STK32B: variants seen among roughly 807,000 people sequenced by gnomAD.
The protein encoded by STK32B is serine/threonine kinase 32B, also known as serine/threonine-protein kinase 32B.
STK32B carries 43 observed loss-of-function variants against 52.6 expected under a neutral mutation model. The observed-to-expected ratio is 0.82, with a 90% CI of 0.64 to 1.05. The LOEUF (loss-of-function observed/expected upper bound fraction) is 1.05, where lower values mean the gene tolerates loss of function less well. Among genes scored for constraint, STK32B ranks in the 50% least tolerant of loss-of-function variants. The pLI is 0.00. For missense variants in STK32B, 621 were observed against 534.6 expected (o/e 1.16, Z -1.59); for synonymous variants, 238 against 204.3 (o/e 1.17, Z -1.41).
intron 9 of STK32B, among the ~76,000 whole-genome samples, chr4:5,464,488 G>T (rs1488842498): frequency 6.6e-6 from 1 of 152,222 alleles, no homozygotes; most frequent in Non-Finnish European, 1.5e-5. Context: ...GAGGGTGAGG[G>T]CCGCGAAGTG....
intron 4 of STK32B, among the ~76,000 whole-genome samples, chr4:5,384,809 G>A (rs568423756): frequency 7.2e-5 from 11 of 152,310 alleles, no homozygotes; most frequent in African/African-American, 2.6e-4. Flanking sequence ...ACAGAAGGAA[G>A]GGGCTGTGAC....
the STK32B span, among the ~76,000 whole-genome samples, chr4:5,034,798 G>C: frequency 2.6e-5 from 4 of 152,142 alleles, no homozygotes; most frequent in African/African-American, 9.7e-5. Flanking sequence ...TCTTCTCCAG[G>C]CTCCATCGTC....
rs943899821 is a variant in STK32B, at chr4:5,400,221, T to C, written c.472+1977T>C. On this transcript the variant is annotated intron_variant, in intron 5 of 11. Coordinates refer to ENST00000282908, the MANE Select transcript of STK32B (RefSeq NM_018401.3). The surrounding 1 kb of genome is among the most constrained non-coding windows in gnomAD (Gnocchi z 6.1). ...CCCTGAAGCTGCTGCACAAAAGATA[T>C]AGGCAGGCGGGCTGCTCCCAGGCAG... Among the ~76,000 whole-genome samples, 8 of 152,160 alleles carry C rather than the reference T, an allele frequency of 5.3e-5. No individual in the cohort carries two copies. The highest frequency in any genetic ancestry group is 1.4e-4 in the African/African-American group (6 of 41,444).
At chr4:5,292,390 A>T (rs1306881517) in intron 3 of STK32B, among the ~76,000 whole-genome samples, 2 of 152,010 alleles carry the variant, frequency 1.3e-5, no homozygotes, top group African/African-American at 4.8e-5. Flanking sequence ...TTCTCTGATG[A>T]TTAGTGACAT....
At chr4:5,337,811 C>G (rs1421123056) in intron 4 of STK32B, among the ~76,000 whole-genome samples, 1 of 152,124 alleles carries the variant, frequency 6.6e-6, no homozygotes, top group African/African-American at 2.4e-5. Context: ...AATGAGTCAG[C>G]TCTGTATATA....
chr4:5,160,473 C>A (rs1327696499), intron 2 of STK32B, among the ~76,000 whole-genome samples: 1 of 152,088 alleles, frequency 6.6e-6, no homozygotes, highest in African/African-American at 2.4e-5. Flanking sequence ...TCTCCCCCTC[C>A]CCACACCTCT....
intron 1 of STK32B, among the ~76,000 whole-genome samples, chr4:5,052,483 C>T (rs1181143239): frequency 6.6e-6 from 1 of 152,122 alleles, no homozygotes; most frequent in Admixed American, 6.5e-5. Flanking sequence ...CCCCCTGGCG[C>T]AGAAGTGGTG....
chr4:5,076,904 A>C (rs771580468), intron 1 of STK32B, among the ~76,000 whole-genome samples: 8 of 152,142 alleles, frequency 5.3e-5, no homozygotes, highest in Non-Finnish European at 7.4e-5. Context: ...CTAGGCAGTG[A>C]ATTTTCTTCC....
At chr4:5,383,173 G>A (rs892081888) in intron 4 of STK32B, among the ~76,000 whole-genome samples, 64 of 152,258 alleles carry the variant, frequency 4.2e-4, no homozygotes, top group African/African-American at 1.5e-3. Context: ...GTGGGTGTCC[G>A]GGCCTGGAGG....
Position 5,467,687 on chromosome 4 carries a change from G to T in STK32B, c.1042-319G>T, listed in dbSNP as rs552927877. Among the ~76,000 whole-genome samples the T allele has an allele frequency of 2.0e-5, 3 of 152,154 alleles. No individual in the cohort carries two copies. In the East Asian group the frequency reaches 5.8e-4, roughly 29 times the overall value. On this transcript the variant is annotated intron_variant, in intron 10 of 11. Coordinates refer to ENST00000282908, the MANE Select transcript of STK32B (RefSeq NM_018401.3). The surrounding 1 kb of genome is among the most constrained non-coding windows in gnomAD (Gnocchi z 5.8). ...CCTGGCATCATGGTTGTGAATTTCT[G>T]GTTTTCCATGCCCCTCACGTGGGCC...
At chr4:5,452,616 T>C (rs1436237498) in intron 7 of STK32B, among the ~76,000 whole-genome samples, 2 of 152,170 alleles carry the variant, frequency 1.3e-5, no homozygotes, top group Non-Finnish European at 2.9e-5. Context: ...GGAACTGTTT[T>C]TCACTTTCAT....
At position 5,368,678 on chromosome 4, in the gene STK32B, G is replaced by T. The variant is rs542407266; in HGVS notation, c.435-29529G>T. On this transcript the variant is annotated intron_variant, in intron 4 of 11. Transcript: ENST00000282908. ...TCATGAGTGAGTTCTTAAGAGGGCT[G>T]GCAGGGACTGCTTGGCATGAGTATT... Among the ~76,000 whole-genome samples, 5 of 152,180 alleles carry T rather than the reference G, an allele frequency of 3.3e-5. No homozygotes were observed. The South Asian group carries it at 8.3e-4, about 25-fold the overall frequency.
intron 3 of STK32B, among the ~76,000 whole-genome samples, chr4:5,203,789 G>C (rs1235557171): frequency 5.9e-5 from 9 of 152,100 alleles, no homozygotes; most frequent in South Asian, 2.1e-4. Flanking sequence ...CCCCAGCTTC[G>C]TTATGCTTCA....
At chr4:5,455,656 C>G (rs1310964682) in intron 7 of STK32B, among the ~76,000 whole-genome samples, 2 of 152,128 alleles carry the variant, frequency 1.3e-5, no homozygotes, top group Non-Finnish European at 2.9e-5. Context: ...AGTATGGCGT[C>G]TGACTCAGGG....
At chr4:5,423,917 G>A (rs1362197510) in intron 6 of STK32B, among the ~76,000 whole-genome samples, 2 of 152,152 alleles carry the variant, frequency 1.3e-5, no homozygotes, top group Admixed American at 1.3e-4. Context: ...GAGTTGGAGA[G>A]GCGGGATTCC....
At chr4:5,379,057 G>T (rs887337827) in intron 4 of STK32B, among the ~76,000 whole-genome samples, 1 of 141,414 alleles carries the variant, frequency 7.1e-6, no homozygotes, top group Non-Finnish European at 1.5e-5. Context: ...GAGCACCAAG[G>T]AGAGAAATCC....
intron 2 of STK32B, among the ~76,000 whole-genome samples, chr4:5,141,220 A>G (rs962008745): frequency 6.6e-6 from 1 of 152,248 alleles, no homozygotes; most frequent in African/African-American, 2.4e-5. Flanking sequence ...ACGCATTTCC[A>G]TATCATAGAT....
At chr4:5,264,632 A>AT (rs925861128) in intron 3 of STK32B, among the ~76,000 whole-genome samples, 3 of 142,420 alleles carry the variant, frequency 2.1e-5, no homozygotes, top group African/African-American at 9.0e-5. Flanking sequence ...TAAAAATAAA[A>AT]AAAAAATAGC....
At chr4:5,149,495 T>G (rs2108843628) in intron 2 of STK32B, among the ~76,000 whole-genome samples, 1 of 151,978 alleles carries the variant, frequency 6.6e-6, no homozygotes, top group East Asian at 1.9e-4. Flanking sequence ...TACGTTCCAG[T>G]ATTATGTTTT....
Sources: gnomAD v4.1 joint callset for allele counts (sites outside exome capture counted in the v4.1 genomes callset) on GRCh38, gnomAD v4.1.1 for gene constraint, Gnocchi (gnomAD v3.1) non-coding constraint, MANE v1.5 for transcripts, NCBI Gene and HGNC (gene_info 2026-07-23, HGNC 2026-07-21) for gene names.